Variants in YME1L1 observed in about 807,000 individuals in gnomAD.
The protein encoded by YME1L1 is YME1 like 1 ATPase, also known as ATP-dependent zinc metalloprotease YME1L1.
In YME1L1, 39 loss-of-function variants were observed where a neutral mutation model predicts 90.4. The ratio of observed to expected loss-of-function variants is 0.43; its 90% CI spans 0.33 to 0.56. The LOEUF (loss-of-function observed/expected upper bound fraction) is 0.56. Among genes scored for constraint, YME1L1 ranks in the 20% least tolerant of loss-of-function variants. The pLI, the probability that YME1L1 is intolerant of heterozygous loss-of-function variation, is 0.03. For synonymous variants in YME1L1, 284 were observed against 287.3 expected, an observed-to-expected ratio of 0.99 and a Z score of 0.12; for missense variants, 617 against 868.4, an observed-to-expected ratio of 0.71 and a Z score of 3.64.
chr10:27,114,628 G>A, intron 17 of YME1L1, 21 bp from the exon 18 acceptor site: 1 of 1,593,582 alleles, frequency 6.3e-7, no homozygotes, highest in Non-Finnish European at 8.6e-7. Context: ...AAGGAAGAAA[G>A]TAATTGAACA....
chr10:27,135,334 G>T lies in YME1L1; in HGVS notation c.541-353C>A, dbSNP rs189063459. Among the ~76,000 whole-genome samples the T allele has an allele frequency of 6.6e-5, 10 of 152,218 alleles. No homozygotes were observed. The East Asian group carries it at 1.9e-3, about 29-fold the overall frequency. ...ATTTACTAAATGTCTACTAAGCACC[G>T]TTCATATACTTGGCCTTATATAAGT... On this transcript the variant is annotated intron_variant, in intron 5 of 18. Transcript: ENST00000376016.
intron 9 of YME1L1, among the ~76,000 whole-genome samples, chr10:27,126,453 G>T (rs947681796): frequency 6.6e-6 from 1 of 151,726 alleles, no homozygotes; most frequent in African/African-American, 2.4e-5. Context: ...CTAGGTAAAG[G>T]GTATGAGGAG....
rs1209877383 is a variant in YME1L1 at position 27,113,244 on chromosome 10, A to T, written c.2008-1124T>A. ...CAAAAAAAAAAAAAAAAAAAAAAAAAAAAAAAAAAAAAAAAAAAAGACCTG... is the reference window on the plus strand; with the variant it reads ...CAAAAAAAAAAAAAAAAAAAAAAAATAAAAAAAAAAAAAAAAAAAGACCTG... On this transcript the variant is annotated intron_variant, in intron 18 of 18. Coordinates refer to ENST00000376016, the MANE Select transcript of YME1L1 (RefSeq NM_014263.4). Among the ~76,000 whole-genome samples the T allele has an allele frequency of 1.0e-3, 152 of 146,874 alleles. 6 individuals are homozygous for T. The highest frequency in any genetic ancestry group is 3.5e-3 in the African/African-American group (141 of 39,864).
At chr10:27,142,772 G>A (rs11015567) in intron 3 of YME1L1, among the ~76,000 whole-genome samples, 30 of 152,242 alleles carry the variant, frequency 2.0e-4, no homozygotes, top group African/African-American at 6.5e-4. Context: ...CTGGAGTGCA[G>A]TGGCACGACC....
intron 8 of YME1L1, 92 bp from the exon 9 acceptor site, chr10:27,126,878 T>A: frequency 1.3e-6 from 1 of 763,396 alleles, no homozygotes; most frequent in Non-Finnish European, 2.1e-6. Flanking sequence ...TAAATTTAAT[T>A]TGGATATGGA....
Position 27,112,111 on chromosome 10 carries a change from CAT to C in YME1L1, c.2015_2016del (p.Tyr672Ter). The C allele has an allele frequency of 6.2e-7, 1 of 1,612,522 alleles. No individual in the cohort carries two copies. The highest frequency in any genetic ancestry group is 8.5e-7 in the Non-Finnish European group (1 of 1,179,580). ...GTTTTCAAGATATGTTTTGCTCGTTCATATGAGTCCTGAAACAGAAAAGGAGA... is the reference window on the plus strand; with the variant it reads ...GTTTTCAAGATATGTTTTGCTCGTTCATGAGTCCTGAAACAGAAAAGGAGA... ...QEIRILLRDS[Y>X]ERAKHILKTH... On this transcript the variant is annotated frameshift_variant, in exon 19 of 19. Transcript: ENST00000376016. LOFTEE classifies it high-confidence loss of function.
intron 9 of YME1L1, among the ~76,000 whole-genome samples, chr10:27,125,842 T>C (rs535661604): frequency 1.3e-5 from 2 of 152,132 alleles, no homozygotes; most frequent in South Asian, 4.1e-4. Flanking sequence ...TTTCACCATG[T>C]TGGCCAGGCT....
At chr10:27,121,349 T>C in intron 12 of YME1L1, 37 bp downstream of exon 12, 1 of 1,443,858 alleles carries the variant, frequency 6.9e-7, no homozygotes, top group African/African-American at 1.4e-5. Context: ...TTGTAGCATG[T>C]AACAGTACTT....
In YME1L1 at chr10:27,112,142, G is replaced by A. The variant is rs200372191; in HGVS notation, c.2008-22C>T. On this transcript the variant is annotated intron_variant, in intron 18 of 18. Transcript: ENST00000376016. ...AGTCCTGAAACAGAAAAGGAGATAC[G>A]TAAGCAGCAGCAAATGCAGGGATGC... 2.6e-5 allele frequency: 41 copies of A among 1,590,626 alleles called. No homozygotes were observed. The Admixed American group carries it at 4.3e-4, about 17-fold the overall frequency.
At chr10:27,138,984 A>G (rs181242084) in intron 4 of YME1L1, among the ~76,000 whole-genome samples, 1 of 152,256 alleles carries the variant, frequency 6.6e-6, no homozygotes, top group Non-Finnish European at 1.5e-5. Context: ...TGAAATAATG[A>G]TATTTTTCTT....
At chr10:27,126,453 G>C (rs947681796) in intron 9 of YME1L1, among the ~76,000 whole-genome samples, 1 of 151,726 alleles carries the variant, frequency 6.6e-6, no homozygotes, top group Non-Finnish European at 1.5e-5. Flanking sequence ...CTAGGTAAAG[G>C]GTATGAGGAG....
intron 8 of YME1L1, among the ~76,000 whole-genome samples, chr10:27,128,093 A>G (rs2056939204): frequency 6.6e-6 from 1 of 152,228 alleles, no homozygotes; most frequent in Non-Finnish European, 1.5e-5. Context: ...CAAGGAAAAT[A>G]GTTAATGGGA....
intron 1 of YME1L1, chr10:27,153,406 ACT>A: frequency 3.0e-6 from 1 of 331,344 alleles, no homozygotes; most frequent in African/African-American, 2.2e-5. Flanking sequence ...TTTTAAAAAA[ACT>A]CAATGTTTTA....
chr10:27,147,626 T>A, intron 2 of YME1L1: 1 of 1,554,878 alleles, frequency 6.4e-7, no homozygotes, highest in Non-Finnish European at 8.7e-7. Context: ...CCTTTGCCAA[T>A]TGAAACAATG....
intron 17 of YME1L1, among the ~76,000 whole-genome samples, chr10:27,115,323 C>CA (rs576648719): frequency 6.2e-4 from 88 of 142,414 alleles, no homozygotes; most frequent in Middle Eastern, 3.6e-3. Context: ...CATTTAAAAT[C>CA]TTTTTTTTTT....
chr10:27,137,285 T>C (rs2057039007), intron 4 of YME1L1, among the ~76,000 whole-genome samples: 1 of 152,242 alleles, frequency 6.6e-6, no homozygotes, highest in South Asian at 2.1e-4. Flanking sequence ...GCAATTTTCA[T>C]TTTTCGTGCA....
intron 1 of YME1L1, chr10:27,153,239 T>G (rs4747586): frequency 0.03 from 13,976 of 470,708 alleles, 750 homozygotes; most frequent in East Asian, 0.16. Flanking sequence ...GGTACATAAC[T>G]GATGCCCAAT....
intron 4 of YME1L1, among the ~76,000 whole-genome samples, chr10:27,139,035 A>G (rs2057058143): frequency 6.6e-6 from 1 of 152,046 alleles, no homozygotes; most frequent in Non-Finnish European, 1.5e-5. Flanking sequence ...ATAATCTTAA[A>G]TCACTTTTGT....
chr10:27,147,403 G>A (rs762520955), intron 2 of YME1L1: 8 of 1,600,532 alleles, frequency 5.0e-6, no homozygotes, highest in Non-Finnish European at 6.8e-6. Context: ...GATGGAACAA[G>A]TGAAAGATGG....
Sources: gnomAD v4.1 joint callset for allele counts (sites outside exome capture counted in the v4.1 genomes callset) on GRCh38, gnomAD v4.1.1 for gene constraint, MANE v1.5 for transcripts, NCBI Gene and HGNC (gene_info 2026-07-23, HGNC 2026-07-21) for gene names.